BCKDHB: variants seen among roughly 807,000 people sequenced by gnomAD.
BCKDHB encodes the protein branched chain keto acid dehydrogenase E1 subunit beta.
In BCKDHB, 41 loss-of-function variants were observed where a neutral mutation model predicts 48.5. The observed-to-expected ratio is 0.85, with a 90% CI of 0.66 to 1.10. BCKDHB has a LOEUF of 1.10. Ranked by LOEUF, BCKDHB falls within the 50% of genes least tolerant of loss-of-function variation. The pLI, the probability that BCKDHB is intolerant of heterozygous loss-of-function variation, is 0.00. For missense variants in BCKDHB, 496 were observed against 494.2 expected, an observed-to-expected ratio of 1.00 and a Z score of -0.03; for synonymous variants, 201 against 174.8, an observed-to-expected ratio of 1.15 and a Z score of -1.18.
intron 3 of BCKDHB, among the ~76,000 whole-genome samples, chr6:80,138,226 A>G (rs1485606787): frequency 6.6e-6 from 1 of 152,102 alleles, no homozygotes; most frequent in South Asian, 2.1e-4. Flanking sequence ...TTTTTGTACT[A>G]TATATTTTTC....
At chr6:80,318,822 A>G (rs1357609848) in intron 9 of BCKDHB, among the ~76,000 whole-genome samples, 1 of 152,142 alleles carries the variant, frequency 6.6e-6, no homozygotes, top group Non-Finnish European at 1.5e-5. Context: ...ATTGTAAATA[A>G]TCTAGAGATG....
At chr6:80,305,173 C>A (rs966638522) in intron 9 of BCKDHB, among the ~76,000 whole-genome samples, 4 of 151,856 alleles carry the variant, frequency 2.6e-5, no homozygotes, top group Non-Finnish European at 4.4e-5. Flanking sequence ...AGATAAACAT[C>A]AATACAAATT....
At chr6:80,379,038 G>A in the BCKDHB span, among the ~76,000 whole-genome samples, 1 of 152,098 alleles carries the variant, frequency 6.6e-6, no homozygotes, top group African/African-American at 2.4e-5. Context: ...TACCAATCTT[G>A]CTGAAACTAT....
chr6:80,334,880 C>A (rs957792461), intron 9 of BCKDHB, among the ~76,000 whole-genome samples: 1 of 151,760 alleles, frequency 6.6e-6, no homozygotes, highest in Non-Finnish European at 1.5e-5. Flanking sequence ...TTTCAGTCAT[C>A]ATTTTTTATA....
chr6:80,142,243 CAAAT>C (rs1389743569), intron 3 of BCKDHB, among the ~76,000 whole-genome samples: 1 of 151,842 alleles, frequency 6.6e-6, no homozygotes, highest in Non-Finnish European at 1.5e-5. Context: ...ATTATAAAAT[CAAAT>C]AAAATACAAA....
the BCKDHB span, among the ~76,000 whole-genome samples, chr6:80,459,720 T>A: frequency 1.1e-3 from 174 of 152,286 alleles, no homozygotes; most frequent in Non-Finnish European, 2.2e-3. Flanking sequence ...ATGCTTCACC[T>A]TGTGGAAAGT....
the BCKDHB span, among the ~76,000 whole-genome samples, chr6:80,413,614 T>C: frequency 5.9e-3 from 894 of 152,332 alleles, 6 homozygotes; most frequent in South Asian, 0.018. Flanking sequence ...TTCATGTTTC[T>C]GCAAAGAACA....
At position 80,252,205 on chromosome 6, in the gene BCKDHB, T is replaced by A. The variant is rs74347011; in HGVS notation, c.952-20930T>A. Among the ~76,000 whole-genome samples, 904 of 152,312 alleles carry A rather than the reference T, an allele frequency of 5.9e-3. 10 individuals carry two copies. Among genetic ancestry groups the A allele is most frequent in the African/African-American group, 0.021 (866 of 41,564 alleles). On this transcript the variant is annotated intron_variant, in intron 8 of 9. Transcript: ENST00000320393. ...AGGGGTTGAATCCAAGCCACCTGAT[T>A]GCAAAGTCTATGCTGAAGTTGCATT...
At chr6:80,157,420 C>T (rs1207560233) in intron 3 of BCKDHB, among the ~76,000 whole-genome samples, 1 of 147,644 alleles carries the variant, frequency 6.8e-6, no homozygotes, top group East Asian at 2.0e-4. Flanking sequence ...CCACTATGTA[C>T]AAGGGATTGT....
intron 9 of BCKDHB, among the ~76,000 whole-genome samples, chr6:80,306,630 A>G (rs116093622): frequency 0.013 from 1,930 of 152,342 alleles, 38 homozygotes; most frequent in African/African-American, 0.043. Context: ...GACACCAACA[A>G]ATCAGATCAA....
chr6:80,179,088 T>C (rs1446215406), intron 6 of BCKDHB, among the ~76,000 whole-genome samples: 1 of 152,180 alleles, frequency 6.6e-6, no homozygotes, highest in Non-Finnish European at 1.5e-5. Flanking sequence ...AGTTGTGTGA[T>C]CACAGCTCAT....
chr6:80,385,612 C>T, the BCKDHB span, among the ~76,000 whole-genome samples: 10 of 152,282 alleles, frequency 6.6e-5, 2 homozygotes, highest in Admixed American at 6.5e-4. Flanking sequence ...CAGTGATGGC[C>T]TCTCCTGAGG....
chr6:80,307,361 A>T (rs1050909697), intron 9 of BCKDHB: 25 of 922,400 alleles, frequency 2.7e-5, no homozygotes, highest in Non-Finnish European at 3.2e-5. Flanking sequence ...GGAATGTAAT[A>T]AATTGTTTAT....
intron 1 of BCKDHB, among the ~76,000 whole-genome samples, chr6:80,124,691 T>C (rs1384132351): frequency 6.6e-6 from 1 of 152,148 alleles, no homozygotes; most frequent in African/African-American, 2.4e-5. Flanking sequence ...ATCTTATACA[T>C]CTCCGTCAGA....
At chr6:80,400,129 T>C in the BCKDHB span, among the ~76,000 whole-genome samples, 4 of 151,990 alleles carry the variant, frequency 2.6e-5, no homozygotes, top group Admixed American at 2.6e-4. Context: ...ATAAAAACCC[T>C]GGAAGACAAC....
At chr6:80,439,565 C>G in the BCKDHB span, among the ~76,000 whole-genome samples, 1 of 152,164 alleles carries the variant, frequency 6.6e-6, no homozygotes, top group African/African-American at 2.4e-5. Flanking sequence ...TCCCAAGATA[C>G]CTCAAATTGT....
intron 9 of BCKDHB, among the ~76,000 whole-genome samples, chr6:80,321,892 G>A (rs1383896009): frequency 1.3e-5 from 2 of 152,124 alleles, no homozygotes; most frequent in African/African-American, 2.4e-5. Flanking sequence ...GAAATCAAAT[G>A]TGTTTTCTGA....
chr6:80,171,561 G>C (rs1772917367), intron 6 of BCKDHB, among the ~76,000 whole-genome samples, 171 bp downstream of exon 6: 1 of 151,826 alleles, frequency 6.6e-6, no homozygotes, highest in Non-Finnish European at 1.5e-5. Flanking sequence ...TTATGTTTGG[G>C]AAAAATTCAT....
At chr6:80,253,600 G>A (rs1011407104) in intron 8 of BCKDHB, among the ~76,000 whole-genome samples, 7 of 152,012 alleles carry the variant, frequency 4.6e-5, no homozygotes, top group South Asian at 2.1e-4. Context: ...ATTACGTAAA[G>A]GAGAAGACAT....
Sources: allele counts gnomAD v4.1 joint callset (sites outside exome capture counted in the v4.1 genomes callset), GRCh38; gene constraint gnomAD v4.1.1; transcripts MANE v1.5; gene names NCBI Gene and HGNC (gene_info 2026-07-23, HGNC 2026-07-21).